The following EPHB1 variants were observed in gnomAD, a reference collection of about 807,000 sequenced individuals.
EPHB1 encodes ephrin type-B receptor 1.
Under a neutral mutation model 94.4 loss-of-function variants are expected in EPHB1, and 30 were observed. The ratio of observed to expected loss-of-function variants is 0.32; its 90% CI spans 0.24 to 0.43. The LOEUF (loss-of-function observed/expected upper bound fraction) is 0.43. Among genes scored for constraint, EPHB1 ranks in the 20% least tolerant of loss-of-function variants. The pLI, the probability that EPHB1 is intolerant of heterozygous loss-of-function variation, is 1.00. For missense variants in EPHB1, 1,055 were observed against 1,308.3 expected, an observed-to-expected ratio of 0.81 and a Z score of 2.99; for synonymous variants, 522 against 489.1, an observed-to-expected ratio of 1.07 and a Z score of -0.89.
intron 12 of EPHB1, among the ~76,000 whole-genome samples, chr3:135,230,135 A>G (rs1260629391): frequency 1.3e-5 from 2 of 152,174 alleles, no homozygotes; most frequent in Non-Finnish European, 2.9e-5. Context: ...CAGAGAAGCA[A>G]TGGATGAAAC....
At chr3:135,088,006 G>A (rs1396969971) in intron 3 of EPHB1, among the ~76,000 whole-genome samples, 2 of 152,186 alleles carry the variant, frequency 1.3e-5, no homozygotes, top group Non-Finnish European at 1.5e-5. Flanking sequence ...AACTCAGAGG[G>A]ACTGAGAGCC....
intron 3 of EPHB1, among the ~76,000 whole-genome samples, chr3:134,956,832 A>G (rs143771530): frequency 6.6e-6 from 1 of 152,288 alleles, no homozygotes; most frequent in East Asian, 1.9e-4. Context: ...TCTGGAATGA[A>G]GATGGCATGG....
At chr3:135,235,563 C>A (rs533253539) in intron 12 of EPHB1, among the ~76,000 whole-genome samples, 1 of 152,134 alleles carries the variant, frequency 6.6e-6, no homozygotes, top group African/African-American at 2.4e-5. Flanking sequence ...GGCACCACTC[C>A]GAGAAATTCG....
chr3:135,215,288 C>T (rs961346347), intron 12 of EPHB1, among the ~76,000 whole-genome samples: 4 of 152,104 alleles, frequency 2.6e-5, no homozygotes, highest in African/African-American at 4.8e-5. Flanking sequence ...CTCAGCCTCC[C>T]GAGTAGCTGG....
chr3:135,023,821 G>A lies in EPHB1; in HGVS notation c.805+71769G>A, dbSNP rs187355029. On this transcript the variant is annotated intron_variant, in intron 3 of 15. Transcript: ENST00000398015. ...GGGAGAAACTGTGTCAGGCATTGCTGTCTAGCCACTATTTTATACCATTCT... is the reference window on the plus strand; with the variant it reads ...GGGAGAAACTGTGTCAGGCATTGCTATCTAGCCACTATTTTATACCATTCT... Among the ~76,000 whole-genome samples, 297 of 152,220 alleles carry A rather than the reference G, an allele frequency of 2.0e-3. 1 individual carries two copies. Among genetic ancestry groups the A allele is most frequent in the African/African-American group, 6.7e-3 (278 of 41,520 alleles).
rs147319203 is a variant in EPHB1 at position 135,065,082 on chromosome 3, A to T, written c.806-41366A>T. Among the ~76,000 whole-genome samples the T allele has an allele frequency of 3.0e-3, 462 of 152,148 alleles. 3 individuals carry two copies. The highest frequency in any genetic ancestry group is 0.011 in the African/African-American group (441 of 41,522). ...CTGAGAGAGTGCCTGATATAATTTC[A>T]ATTTTCTTAAATTTATTGAGGCTCA... is the stretch of plus-strand genomic sequence containing the variant. On this transcript the variant is annotated intron_variant, in intron 3 of 15. Transcript: ENST00000398015.
At position 135,099,288 on chromosome 3, in the gene EPHB1, A is replaced by T. The variant is rs925655302; in HGVS notation, c.806-7160A>T. Among the ~76,000 whole-genome samples, 4 of 151,942 alleles carry T rather than the reference A, an allele frequency of 2.6e-5. No homozygotes were observed. The East Asian group carries it at 7.7e-4, about 29-fold the overall frequency. ...TTATCCATCTTCAGAGAGCTTTCAA[A>T]CTAGTACATTGGATGGATGGATGGA... On this transcript the variant is annotated intron_variant, in intron 3 of 15. Coordinates refer to ENST00000398015, the MANE Select transcript of EPHB1 (RefSeq NM_004441.5).
intron 6 of EPHB1, among the ~76,000 whole-genome samples, chr3:135,157,543 C>T (rs1357479747): frequency 6.6e-6 from 1 of 152,244 alleles, no homozygotes; most frequent in Non-Finnish European, 1.5e-5. Flanking sequence ...AGCCCAATGC[C>T]TGCAGCAGCT....
intron 1 of EPHB1, among the ~76,000 whole-genome samples, chr3:134,900,609 T>C (rs951742325): frequency 6.6e-6 from 1 of 151,946 alleles, no homozygotes; most frequent in Non-Finnish European, 1.5e-5. Flanking sequence ...AGTGAGGAGG[T>C]AGACCTGGCA....
intron 3 of EPHB1, among the ~76,000 whole-genome samples, chr3:135,000,259 A>C (rs1935130808): frequency 6.6e-6 from 1 of 152,260 alleles, no homozygotes; most frequent in South Asian, 2.1e-4. Flanking sequence ...TCAATTAATA[A>C]ATACAGCATC....
At chr3:134,916,394 C>G (rs115269328) in intron 1 of EPHB1, among the ~76,000 whole-genome samples, 6 of 152,194 alleles carry the variant, frequency 3.9e-5, no homozygotes, top group Non-Finnish European at 7.3e-5. Flanking sequence ...GACCGGACAC[C>G]GTGGAGCAGG....
Position 134,951,497 on chromosome 3 carries a change from C to T in EPHB1, c.250C>T (p.Arg84Cys), listed in dbSNP as rs1303716587. The T allele has an allele frequency of 3.1e-6, 5 of 1,611,502 alleles. No homozygotes were observed. The highest frequency in any genetic ancestry group is 2.2e-5 in the East Asian group (1 of 44,728). Residue 84 changes from arginine (R) to cysteine (C), a missense_variant, in exon 3 of 16, where the codon CGC becomes TGC. Arg to Cys is a radical substitution (Grantham distance 180, BLOSUM62 -3). Coordinates refer to ENST00000398015, the MANE Select transcript of EPHB1 (RefSeq NM_004441.5). This position sits in a 1 kb window ranked among gnomAD's most constrained non-coding sequence, Gnocchi z 4.5. ...CTTCATCAACCGGCGGGGGGCCCAT[C>T]GCATCTACACAGAGATGCGCTTCAC... ...TTFINRRGAH[R>C]IYTEMRFTVR...
At chr3:135,223,915 A>AT (rs1364523991) in intron 12 of EPHB1, among the ~76,000 whole-genome samples, 1 of 152,222 alleles carries the variant, frequency 6.6e-6, no homozygotes, top group Non-Finnish European at 1.5e-5. Flanking sequence ...TTTAGTTGTC[A>AT]TGTCTCTTTA....
At chr3:134,818,911 C>G (rs974566800) in intron 1 of EPHB1, among the ~76,000 whole-genome samples, 17 of 152,256 alleles carry the variant, frequency 1.1e-4, no homozygotes, top group African/African-American at 3.9e-4. Flanking sequence ...GCATCTGGCC[C>G]CTCCCCTTTC....
At chr3:134,864,778 C>A (rs759773169) in intron 1 of EPHB1, among the ~76,000 whole-genome samples, 2 of 152,190 alleles carry the variant, frequency 1.3e-5, no homozygotes, top group Non-Finnish European at 2.9e-5. Flanking sequence ...TTTGTTTCTT[C>A]AGTGGAGCAG....
chr3:135,021,588 C>G (rs1406505352), intron 3 of EPHB1, among the ~76,000 whole-genome samples: 1 of 149,060 alleles, frequency 6.7e-6, no homozygotes, highest in Non-Finnish European at 1.5e-5. Flanking sequence ...ATTTCTATGT[C>G]TTTAATCATA....
rs2107687235 is a variant in EPHB1 at position 135,132,794 on chromosome 3, A to G, written c.1042A>G (p.Thr348Ala). Reference protein sequence around the residue: ...IILEWHPPRETGGRDDVTYNI... With the variant: ...IILEWHPPREAGGRDDVTYNI... ...TCTGGAGTGGCACCCTCCAAGGGAGACAGGTGGGCGGGATGATGTGACCTA... is the reference window on the plus strand; with the variant it reads ...TCTGGAGTGGCACCCTCCAAGGGAGGCAGGTGGGCGGGATGATGTGACCTA... The change falls in exon 5 of 16, where the codon ACA becomes GCA. Residue 348 changes from threonine (T) to alanine (A), a missense_variant. Coordinates refer to ENST00000398015, the MANE Select transcript of EPHB1 (RefSeq NM_004441.5). 1.2e-6 allele frequency: 2 copies of G among 1,613,924 alleles called. No homozygotes were observed. Among genetic ancestry groups the G allele is most frequent in the Non-Finnish European group, 1.7e-6 (2 of 1,179,846 alleles).
At chr3:135,114,921 A>G (rs75491583) in intron 4 of EPHB1, among the ~76,000 whole-genome samples, 28,358 of 152,112 alleles carry the variant, frequency 0.19, 3,747 homozygotes, top group East Asian at 0.59. Context: ...TCTTCCTTCA[A>G]TATACAAGTA....
intron 1 of EPHB1, among the ~76,000 whole-genome samples, chr3:134,841,841 T>C (rs537839953): frequency 7.2e-4 from 110 of 152,334 alleles, no homozygotes; most frequent in Non-Finnish European, 1.4e-3. Context: ...TAAATTCTCT[T>C]ATTTCTTTAT....
Sources: allele counts gnomAD v4.1 joint callset (sites outside exome capture counted in the v4.1 genomes callset), GRCh38; gene constraint gnomAD v4.1.1; non-coding constraint Gnocchi (gnomAD v3.1); transcripts MANE v1.5; gene names NCBI Gene and HGNC (gene_info 2026-07-23, HGNC 2026-07-21).